Variants in MCUB observed in about 807,000 individuals in gnomAD.
MCUB encodes the protein mitochondrial calcium uniporter dominant negative subunit beta.
MCUB carries 46 observed loss-of-function variants against 41.4 expected under a neutral mutation model. The ratio of observed to expected loss-of-function variants is 1.11; its 90% confidence interval spans 0.88 to 1.42. The LOEUF is 1.42. MCUB is among the 40% of genes most tolerant of loss of function. MCUB has a pLI of 0.00. For missense variants in MCUB, 403 were observed against 404.9 expected (o/e 1.00, Z 0.04); for synonymous variants, 148 against 148.2 (o/e 1.00, Z 0.01).
chr4:109,660,151 T>A lies in MCUB; in HGVS notation c.176-44T>A, dbSNP rs1380903489. The stretch of plus-strand genomic sequence containing the variant: ...GAATTCTTGTATTTATGGTTTTTTT[T>A]AAAGTAAAATTTACTCATTTTTTTT... On this transcript the variant is annotated intron_variant, in intron 2 of 7. Transcript: ENST00000394650. 8.1e-6 allele frequency: 8 copies of A among 982,300 alleles called. No individual in the cohort carries two copies. The Admixed American group carries it at 1.4e-4, about 17-fold the overall frequency. The allele number at this position is 982,300 out of a possible 1,614,324, so 60.8% of individuals were successfully genotyped here. A position where few individuals can be genotyped will look rare whatever the true frequency, so the allele number is the denominator to read the frequency against.
chr4:109,640,558 T>C (rs1728693222), intron 1 of MCUB, among the ~76,000 whole-genome samples: 1 of 152,246 alleles, frequency 6.6e-6, no homozygotes, highest in African/African-American at 2.4e-5. Flanking sequence ...CCTTGCACTT[T>C]TATGTTATAG....
At chr4:109,626,444 GATAA>G (rs1042511547) in intron 1 of MCUB, among the ~76,000 whole-genome samples, 1 of 152,020 alleles carries the variant, frequency 6.6e-6, no homozygotes, top group Non-Finnish European at 1.5e-5. Flanking sequence ...TCGCTACATA[GATAA>G]ATAGTTATAA....
intron 1 of MCUB, among the ~76,000 whole-genome samples, chr4:109,592,042 A>G (rs1455774553): frequency 1.3e-5 from 2 of 151,942 alleles, no homozygotes; most frequent in Non-Finnish European, 2.9e-5. Flanking sequence ...TGTTCTTTTG[A>G]GGTTTCTCTT....
intron 1 of MCUB, among the ~76,000 whole-genome samples, chr4:109,621,001 C>T (rs1728240357): frequency 6.6e-6 from 1 of 151,992 alleles, no homozygotes; most frequent in Admixed American, 6.6e-5. Flanking sequence ...CAGGTTCAAG[C>T]AATTATCCTG....
intron 1 of MCUB, among the ~76,000 whole-genome samples, chr4:109,608,395 G>C (rs1040462653): frequency 2.6e-5 from 4 of 152,096 alleles, no homozygotes; most frequent in African/African-American, 9.7e-5. Flanking sequence ...TGTCTCTGGT[G>C]CCTTATTTAG....
chr4:109,570,508 A>G (rs1158989152), intron 1 of MCUB, among the ~76,000 whole-genome samples: 1 of 152,228 alleles, frequency 6.6e-6, no homozygotes, highest in Non-Finnish European at 1.5e-5. Flanking sequence ...CCTCTGTCCA[A>G]ACTACTCAAC....
chr4:109,620,717 A>G (rs1728233538), intron 1 of MCUB, among the ~76,000 whole-genome samples: 1 of 151,922 alleles, frequency 6.6e-6, no homozygotes, highest in Non-Finnish European at 1.5e-5. Context: ...AAGAGTATTG[A>G]TTACATTAAT....
At chr4:109,592,153 T>C (rs1727450887) in intron 1 of MCUB, among the ~76,000 whole-genome samples, 1 of 152,030 alleles carries the variant, frequency 6.6e-6, no homozygotes, top group Admixed American at 6.6e-5. Context: ...ACGCCTGTAA[T>C]CCCAGCACTT....
intron 1 of MCUB, among the ~76,000 whole-genome samples, chr4:109,646,699 T>C (rs534555868): frequency 1.8e-4 from 27 of 152,288 alleles, no homozygotes; most frequent in African/African-American, 6.3e-4. Context: ...CTCCTCTCAC[T>C]TACCTTACTG....
chr4:109,680,067 G>A (rs1729681751), intron 4 of MCUB, among the ~76,000 whole-genome samples: 1 of 152,148 alleles, frequency 6.6e-6, no homozygotes, highest in South Asian at 2.1e-4. Context: ...CTCCCAAAGT[G>A]CTGGTATTAC....
At chr4:109,685,453 A>G in intron 7 of MCUB, 86 bp downstream of exon 7, 2 of 615,040 alleles carry the variant, frequency 3.3e-6, no homozygotes, top group African/African-American at 1.8e-5. Flanking sequence ...TCATCCTCAC[A>G]AATTAAATCT....
At chr4:109,581,613 A>G (rs1270608762) in intron 1 of MCUB, among the ~76,000 whole-genome samples, 3 of 152,208 alleles carry the variant, frequency 2.0e-5, no homozygotes, top group African/African-American at 7.2e-5. Flanking sequence ...GAATGGGAGA[A>G]AATTTTCGCA....
chr4:109,588,532 G>C (rs1727359351), intron 1 of MCUB, among the ~76,000 whole-genome samples: 1 of 152,120 alleles, frequency 6.6e-6, no homozygotes, highest in African/African-American at 2.4e-5. Flanking sequence ...TTTTAGCAAA[G>C]TTTGATATTG....
chr4:109,597,361 G>T (rs1270658045), intron 1 of MCUB, among the ~76,000 whole-genome samples: 1 of 150,434 alleles, frequency 6.6e-6, no homozygotes, highest in Non-Finnish European at 1.5e-5. Context: ...CGGGCGGGGG[G>T]CTGACCCCCC....
chr4:109,680,210 G>T (rs1006242621), intron 4 of MCUB, among the ~76,000 whole-genome samples: 1 of 152,160 alleles, frequency 6.6e-6, no homozygotes, highest in Non-Finnish European at 1.5e-5. Context: ...CTCCCAACCC[G>T]TGGGTGCCTG....
chr4:109,566,427 G>A (rs1325139392), intron 1 of MCUB, among the ~76,000 whole-genome samples: 4 of 149,788 alleles, frequency 2.7e-5, no homozygotes, highest in African/African-American at 4.9e-5. Flanking sequence ...CCGAGATCGC[G>A]CCACTGCACT....
chr4:109,598,503 G>A (rs892966737), intron 1 of MCUB, among the ~76,000 whole-genome samples: 1 of 152,132 alleles, frequency 6.6e-6, no homozygotes, highest in Non-Finnish European at 1.5e-5. Context: ...GGCTGAGGCA[G>A]GAGAATCAGG....
At position 109,560,347 on chromosome 4, in the gene MCUB, A is replaced by AG. The variant is rs1726590189; in HGVS notation, c.14dup (p.Leu6ProfsTer47). The stretch of plus-strand genomic sequence containing the variant: ...CGCCTGGGGCGGGAGGATGCTCCAG[A>AG]GGGGCCTCTGGCCGTGGCGCACGCG... On this transcript the variant is annotated frameshift_variant, in exon 1 of 8. Coordinates refer to ENST00000394650, the MANE Select transcript of MCUB (RefSeq NM_017918.5). LOFTEE classifies it high-confidence loss of function. 1.5e-6 allele frequency: 2 copies of AG among 1,301,242 alleles called. No homozygotes were observed. Among genetic ancestry groups the AG allele is most frequent in the Non-Finnish European group, 2.0e-6 (2 of 1,025,404 alleles). 80.6% of individuals were successfully genotyped at this position (1,301,242 alleles called of 1,614,324 possible). A position where few individuals can be genotyped will look rare whatever the true frequency, so the allele number is the denominator to read the frequency against.
At chr4:109,601,893 C>T (rs1239766988) in intron 1 of MCUB, among the ~76,000 whole-genome samples, 3 of 152,260 alleles carry the variant, frequency 2.0e-5, no homozygotes, top group East Asian at 1.9e-4. Flanking sequence ...TCTTCACCAA[C>T]GTTTGTTATT....
Sources: allele counts gnomAD v4.1 joint callset (sites outside exome capture counted in the v4.1 genomes callset), GRCh38; gene constraint gnomAD v4.1.1; transcripts MANE v1.5; gene names NCBI Gene and HGNC (gene_info 2026-07-23, HGNC 2026-07-21).